The following ZNF180 variants were observed in gnomAD, a reference collection of about 807,000 sequenced individuals.
ZNF180 encodes the protein zinc finger protein 180 (HHZ168).
ZNF180 carries 11 observed loss-of-function variants against 11.8 expected under a neutral mutation model. The ratio of observed to expected loss-of-function variants is 0.93; its 90% CI spans 0.59 to 1.55. The LOEUF is 1.55. Ranked by LOEUF, ZNF180 falls within the 40% of genes most tolerant of loss-of-function variation. ZNF180 has a pLI of 0.00. For missense variants in ZNF180, 773 were observed against 781.7 expected (o/e 0.99, Z 0.13); for synonymous variants, 287 against 257.7 (o/e 1.11, Z -1.09).
chr19:44,477,763 T>A lies in ZNF180; in HGVS notation c.637A>T (p.Asn213Tyr). The stretch of plus-strand genomic sequence containing the variant: ...TTTTCATATAGTGTCTCATTCTCAT[T>A]AATCTTCTGATGACTGTTTACAGCA... ...NAAVNSHQKI[N>Y]ENETLYENNE... The change falls in exon 5 of 5, where the codon AAT becomes TAT. Residue 213 changes from asparagine to tyrosine, a missense_variant. Coordinates refer to ENST00000592529, the MANE Select transcript of ZNF180 (RefSeq NM_001278509.3). 2 of 1,613,964 alleles carry A rather than the reference T, an allele frequency of 1.2e-6. No individual in the cohort carries two copies. The highest frequency in any genetic ancestry group is 1.7e-6 in the Non-Finnish European group (2 of 1,179,936).
chr19:44,480,080 T>A (rs1302924033), intron 3 of ZNF180, among the ~76,000 whole-genome samples: 3 of 152,202 alleles, frequency 2.0e-5, no homozygotes, highest in Non-Finnish European at 2.9e-5. Context: ...TATATCTGCT[T>A]AAGAAATACA....
chr19:44,489,274 A>G (rs1240621679), intron 2 of ZNF180, among the ~76,000 whole-genome samples: 167 of 128,006 alleles, frequency 1.3e-3, no homozygotes, highest in Admixed American at 1.6e-3. Context: ...CATGATGACA[A>G]TGGCGGTTTT....
Position 44,477,198 on chromosome 19 carries a change from T to G in ZNF180, c.1202A>C (p.Gln401Pro), listed in dbSNP as rs199966572. ...FSQSYVLVVH[Q>P]RTHTGEKPYE... ...AGGCTTCTCCCCAGTATGAGTTCTTTGATGCACAACAAGGACATAACTCTG... is the reference window on the plus strand; with the variant it reads ...AGGCTTCTCCCCAGTATGAGTTCTTGGATGCACAACAAGGACATAACTCTG... The change falls in exon 5 of 5, where the codon CAA becomes CCA. Residue 401 changes from glutamine to proline, a missense_variant. Transcript: ENST00000592529. 1.2e-6 allele frequency: 2 copies of G among 1,614,202 alleles called. No individual in the cohort carries two copies.
At position 44,497,359 on chromosome 19, in the gene ZNF180, GC is replaced by G. The variant is rs374854622; in HGVS notation, c.-26del. ...TGCTCTCCTCCAGGCACAGCAGGGT[GC>G]TGAGGTCCTGAGCTGCACTGAGAGA... On this transcript the variant is annotated 5_prime_UTR_variant, in exon 2 of 5. Transcript: ENST00000592529. The G allele has an allele frequency of 3.8e-6, 6 of 1,597,302 alleles. No individual in the cohort carries two copies. The highest frequency in any genetic ancestry group is 2.7e-5 in the African/African-American group (2 of 73,906).
chr19:44,490,402 T>C (rs924253346), intron 2 of ZNF180, among the ~76,000 whole-genome samples: 4 of 152,074 alleles, frequency 2.6e-5, no homozygotes, highest in African/African-American at 9.7e-5. Flanking sequence ...TGCCAAAAAA[T>C]AGCCACAACC....
Position 44,474,892 on chromosome 19 carries a change from G to A in ZNF180, c.*1510C>T, listed in dbSNP as rs1010262502. The A allele has an allele frequency of 2.6e-5, 4 of 152,174 alleles. No individual in the cohort carries two copies. Among genetic ancestry groups the A allele is most frequent in the African/African-American group, 9.7e-5 (4 of 41,398 alleles). 9.4% of individuals were successfully genotyped at this position (152,174 alleles called of 1,614,324 possible). ...GAAAACATCAGCAACTGTTTTCCCA[G>A]ACCTGACACTGCCAGGTGTGCAACA... On this transcript the variant is annotated 3_prime_UTR_variant, in exon 5 of 5. Coordinates refer to ENST00000592529, the MANE Select transcript of ZNF180 (RefSeq NM_001278509.3).
intron 3 of ZNF180, among the ~76,000 whole-genome samples, chr19:44,481,550 C>T (rs763068065): frequency 4.6e-5 from 7 of 152,004 alleles, no homozygotes; most frequent in Admixed American, 4.6e-4. Flanking sequence ...AGATTAGCAC[C>T]CCCACTCCAC....
At position 44,476,995 on chromosome 19, in the gene ZNF180, T is replaced by C; in HGVS notation, c.1405A>G (p.Asn469Asp). 6.2e-7 allele frequency: 1 copy of C among 1,614,182 alleles called. No homozygotes were observed. The highest frequency in any genetic ancestry group is 1.3e-5 in the African/African-American group (1 of 75,054). The stretch of plus-strand genomic sequence containing the variant: ...TGACTAAAGGATTTCCCACACTGAT[T>C]GCATTCATAGGGTTTTTCCCCAGTA... ...IHTGEKPYEC[N>D]QCGKSFSQSY... The change falls in exon 5 of 5, where the codon AAT becomes GAT. Residue 469 changes from asparagine to aspartate, a missense_variant. Asn to Asp is a conservative substitution (Grantham distance 23, BLOSUM62 1). Transcript: ENST00000592529.
intron 2 of ZNF180, among the ~76,000 whole-genome samples, chr19:44,492,022 T>C (rs1209555665): frequency 2.0e-5 from 3 of 152,260 alleles, no homozygotes; most frequent in African/African-American, 7.2e-5. Flanking sequence ...TACCAAAGTC[T>C]GTCTAATCAC....
chr19:44,480,858 G>C (rs534224590), intron 3 of ZNF180, among the ~76,000 whole-genome samples: 2 of 152,254 alleles, frequency 1.3e-5, no homozygotes, highest in South Asian at 4.1e-4. Context: ...GACAATTTCA[G>C]ATTTTTGGAT....
At chr19:44,483,111 T>C (rs1383782161) in intron 3 of ZNF180, among the ~76,000 whole-genome samples, 1 of 152,208 alleles carries the variant, frequency 6.6e-6, no homozygotes. Flanking sequence ...ATTGGCTCAG[T>C]TTTTTCCCTT....
In ZNF180 at chr19:44,477,056, G is replaced by C. The variant is rs1446721487; in HGVS notation, c.1344C>G (p.Ile448Met). Reference protein sequence around the residue: ...YECNQCGKSFIQSYKLIAHQR... With the variant: ...YECNQCGKSFMQSYKLIAHQR... ...GATGTGCAATAAGTTTATAGCTCTG[G>C]ATAAATGATTTCCCACATTGATTAC... is the stretch of plus-strand genomic sequence containing the variant. The change falls in exon 5 of 5, where the codon ATC becomes ATG. Residue 448 changes from isoleucine to methionine, a missense_variant. Coordinates refer to ENST00000592529, the MANE Select transcript of ZNF180 (RefSeq NM_001278509.3). 1 of 1,613,966 alleles carries C rather than the reference G, an allele frequency of 6.2e-7. No homozygotes were observed. Among genetic ancestry groups the C allele is most frequent in the Non-Finnish European group, 8.5e-7 (1 of 1,179,980 alleles).
At chr19:44,479,260 A>G in intron 4 of ZNF180, 23 bp downstream of exon 4, 1 of 1,603,424 alleles carries the variant, frequency 6.2e-7, no homozygotes, top group Admixed American at 1.8e-5. Context: ...ATGGATCTTC[A>G]TTAAAGAGGA....
chr19:44,500,358 G>A lies in ZNF180; in HGVS notation c.-127C>T. 7.5e-7 allele frequency: 1 copy of A among 1,325,332 alleles called. No homozygotes were observed. The highest frequency in any genetic ancestry group is 1.2e-5 in the South Asian group (1 of 83,604). 82.1% of individuals were successfully genotyped at this position (1,325,332 alleles called of 1,614,324 possible). A position where few individuals can be genotyped will look rare whatever the true frequency, so the allele number is the denominator to read the frequency against. On this transcript the variant is annotated 5_prime_UTR_variant, in exon 1 of 5. Transcript: ENST00000592529. The stretch of plus-strand genomic sequence containing the variant: ...CGGCTCTGCGGCAGGACGAACTCGG[G>A]TTAGGCAACCCCCTGCCCCGATTCT...
At chr19:44,481,281 A>G (rs937884310) in intron 3 of ZNF180, among the ~76,000 whole-genome samples, 1 of 152,180 alleles carries the variant, frequency 6.6e-6, no homozygotes, top group Non-Finnish European at 1.5e-5. Flanking sequence ...CCATGAAAGC[A>G]CATGCAAAAT....
At chr19:44,497,167 G>T in intron 2 of ZNF180, 117 bp downstream of exon 2, 1 of 701,068 alleles carries the variant, frequency 1.4e-6, no homozygotes, top group Non-Finnish European at 2.1e-6. Flanking sequence ...GAAGCCTGAT[G>T]GCCATGAGGG....
At chr19:44,486,518 C>T (rs1057004379) in intron 2 of ZNF180, among the ~76,000 whole-genome samples, 3 of 152,210 alleles carry the variant, frequency 2.0e-5, no homozygotes, top group Non-Finnish European at 4.4e-5. Flanking sequence ...TTCAAGGATA[C>T]TTTGCTCCTC....
At position 44,484,358 on chromosome 19, in the gene ZNF180, TAC is replaced by T. The variant is rs1424813696; in HGVS notation, c.126+1_126+2del. 1.2e-6 allele frequency: 2 copies of T among 1,610,264 alleles called. No individual in the cohort carries two copies. The highest frequency in any genetic ancestry group is 2.7e-5 in the African/African-American group (2 of 74,814). ...GTAAAGACAGAGGCCTTGCCCAACC[TAC>T]CTGAGATGGGATGGTCAGAGACCCA... is the stretch of plus-strand genomic sequence containing the variant. On this transcript the variant is annotated splice_donor_variant, in intron 3 of 4. Coordinates refer to ENST00000592529, the MANE Select transcript of ZNF180 (RefSeq NM_001278509.3). LOFTEE classifies it high-confidence loss of function.
Position 44,477,650 on chromosome 19 carries a change from G to A in ZNF180, c.750C>T (p.Asp250=), listed in dbSNP as rs183743567. 15 of 1,613,912 alleles carry A rather than the reference G, an allele frequency of 9.3e-6. No homozygotes were observed. In the East Asian group the frequency reaches 2.7e-4, roughly 29 times the overall value. The change falls in exon 5 of 5, where the codon GAC becomes GAT. Residue 250 remains aspartate, a synonymous_variant. Transcript: ENST00000592529. ...TACCATGGCAAAAAGATTGAATACG[G>A]TCACTAAATCCATAGGATTTATCTT... The part of the protein sequence containing the change: ...QTKDKSYGFS[D]RIQSFCHGTP...
Sources: allele counts gnomAD v4.1 joint callset (sites outside exome capture counted in the v4.1 genomes callset), GRCh38; gene constraint gnomAD v4.1.1; transcripts MANE v1.5; gene names NCBI Gene and HGNC (gene_info 2026-07-23, HGNC 2026-07-21).